Variants in CNTN3 observed in about 807,000 individuals in gnomAD.
The protein encoded by CNTN3 is contactin 3.
In CNTN3, 60 loss-of-function variants were observed where a neutral mutation model predicts 119.1. The observed-to-expected ratio is 0.50, with a 90% confidence interval of 0.41 to 0.62. The LOEUF (loss-of-function observed/expected upper bound fraction) is 0.62. Among genes scored for constraint, CNTN3 ranks in the 20% least tolerant of loss-of-function variants. The pLI is 0.00. For synonymous variants in CNTN3, 450 were observed against 438.7 expected (o/e 1.03, Z -0.32); for missense variants, 1,101 against 1,242.4 (o/e 0.89, Z 1.71).
chr3:74,307,615 A>T (rs1216034744), intron 13 of CNTN3, among the ~76,000 whole-genome samples: 2 of 152,312 alleles, frequency 1.3e-5, no homozygotes, highest in South Asian at 4.1e-4. Flanking sequence ...GAAAGAAAAC[A>T]CTACCTGATT....
At chr3:74,325,890 C>T (rs559172765) in intron 13 of CNTN3, among the ~76,000 whole-genome samples, 3 of 152,112 alleles carry the variant, frequency 2.0e-5, no homozygotes, top group East Asian at 3.9e-4. Flanking sequence ...GAGCTAATAC[C>T]CCCAGAATAT....
intron 19 of CNTN3, among the ~76,000 whole-genome samples, chr3:74,293,754 C>A (rs147244053): frequency 1.3e-5 from 2 of 152,318 alleles, no homozygotes; most frequent in South Asian, 2.1e-4. Flanking sequence ...GGATTACAGG[C>A]GCAAGCCACC....
At chr3:74,269,927 G>C (rs1271640862) in intron 20 of CNTN3, among the ~76,000 whole-genome samples, 1 of 152,148 alleles carries the variant, frequency 6.6e-6, no homozygotes, top group Non-Finnish European at 1.5e-5. Flanking sequence ...AAGGGTTCTA[G>C]AGATCTATTG....
chr3:74,264,525 A>C, intron 22 of CNTN3, 24 bp from the exon 23 acceptor site: 9 of 1,441,240 alleles, frequency 6.2e-6, no homozygotes, highest in East Asian at 2.3e-5. Flanking sequence ...TGAAGAGCTC[A>C]TTAATAAGGA....
chr3:74,349,016 T>C (rs566111074), intron 11 of CNTN3, among the ~76,000 whole-genome samples: 1 of 151,960 alleles, frequency 6.6e-6, no homozygotes, highest in South Asian at 2.1e-4. Flanking sequence ...AGCCTAGGAA[T>C]TGGAGACTGC....
intron 7 of CNTN3, 32 bp from the exon 8 acceptor site, chr3:74,369,405 T>G (rs1333394742): frequency 1.3e-6 from 2 of 1,517,998 alleles, no homozygotes; most frequent in South Asian, 2.6e-5. Context: ...TGTCTGCTAT[T>G]GTCTGGAAGC....
chr3:74,346,461 G>A (rs1021244560), intron 11 of CNTN3, among the ~76,000 whole-genome samples: 24 of 151,822 alleles, frequency 1.6e-4, no homozygotes, highest in Admixed American at 1.2e-3. Flanking sequence ...AATGCTACTC[G>A]AGCAATGAAA....
rs377582166 is a variant in CNTN3 at position 74,541,945 on chromosome 3, T to C, written c.-80-20753A>G. On this transcript the variant is annotated intron_variant, in intron 1 of 22. Transcript: ENST00000263665. ...TTCAGAAAAACTGTGTTTAAACATG[T>C]AGTATGGACTGGGTGCAGTGGCTCA... 2.0e-5 allele frequency among the ~76,000 whole-genome samples: 3 copies of C among 152,266 alleles called. No homozygotes were observed. The South Asian group carries it at 6.2e-4, about 32-fold the overall frequency.
At chr3:74,381,669 G>C (rs973319173) in intron 5 of CNTN3, among the ~76,000 whole-genome samples, 3 of 151,890 alleles carry the variant, frequency 2.0e-5, no homozygotes, top group African/African-American at 7.3e-5. Context: ...TCCAATCCTT[G>C]TCTATCTTGG....
intron 21 of CNTN3, 28 bp downstream of exon 21, chr3:74,267,238 A>G: frequency 6.8e-7 from 1 of 1,473,490 alleles, no homozygotes; most frequent in Non-Finnish European, 9.5e-7. Flanking sequence ...AATTACGAAA[A>G]TGAAGCATTG....
At chr3:74,283,451 T>C (rs750127181) in intron 20 of CNTN3, among the ~76,000 whole-genome samples, 6 of 152,182 alleles carry the variant, frequency 3.9e-5, no homozygotes, top group Non-Finnish European at 7.4e-5. Context: ...ATCCCTAAAT[T>C]GTAAAGGGAT....
At chr3:74,331,098 G>A (rs1703253866) in intron 13 of CNTN3, among the ~76,000 whole-genome samples, 1 of 152,164 alleles carries the variant, frequency 6.6e-6, no homozygotes, top group Admixed American at 6.5e-5. Flanking sequence ...AATGTTTTCA[G>A]TAGTGTACAG....
chr3:74,485,544 T>A (rs1702837764), intron 4 of CNTN3, among the ~76,000 whole-genome samples: 1 of 152,014 alleles, frequency 6.6e-6, no homozygotes, highest in Non-Finnish European at 1.5e-5. Context: ...AGGCTAGACA[T>A]TAAATGACCC....
chr3:74,480,144 A>T (rs1049618296), intron 4 of CNTN3, among the ~76,000 whole-genome samples: 4 of 152,046 alleles, frequency 2.6e-5, no homozygotes, highest in Non-Finnish European at 4.4e-5. Context: ...GCTTATTCAA[A>T]TATGAATCAA....
chr3:74,353,419 T>A (rs1449738330), intron 11 of CNTN3, among the ~76,000 whole-genome samples: 1 of 152,180 alleles, frequency 6.6e-6, no homozygotes, highest in Non-Finnish European at 1.5e-5. Context: ...ATGGAACTAC[T>A]TGATCAGGGT....
rs1375068330 is a variant in CNTN3 at position 74,429,717 on chromosome 3, G to A, written c.359-4777C>T. Among the ~76,000 whole-genome samples, 73 of 151,984 alleles carry A rather than the reference G, an allele frequency of 4.8e-4. 1 individual carries two copies. Among genetic ancestry groups the A allele is most frequent in the Non-Finnish European group, 2.6e-4 (18 of 67,984 alleles). ...GTAAAGAAAAGCTACAGACTGGGAG[G>A]ATATACTTGAAAACCACTTATCCAC... On this transcript the variant is annotated intron_variant, in intron 4 of 22. Transcript: ENST00000263665.
At chr3:74,269,739 C>A (rs1037095605) in intron 20 of CNTN3, among the ~76,000 whole-genome samples, 3 of 152,058 alleles carry the variant, frequency 2.0e-5, no homozygotes, top group African/African-American at 7.2e-5. Context: ...GGACATTATG[C>A]TAAGTGAAAT....
chr3:74,361,976 C>T lies in CNTN3; in HGVS notation c.1278G>A (p.Leu426=), dbSNP rs1182608804. Residue 426 remains leucine (L), a synonymous_variant, in exon 11 of 23, where the codon CTG becomes CTA. Transcript: ENST00000263665. ...KKLVQVQVGS[L]VSLDCKPRAS... ...CTCTGGGTTTACAATCCAAGCTGAC[C>T]AGGCTGCCCACCTGCACCTGAACCA... 2 of 1,613,808 alleles carry T rather than the reference C, an allele frequency of 1.2e-6. No homozygotes were observed. Among genetic ancestry groups the T allele is most frequent in the South Asian group, 1.1e-5 (1 of 91,064 alleles).
chr3:74,413,081 T>C (rs1701464578), intron 5 of CNTN3, among the ~76,000 whole-genome samples: 1 of 152,204 alleles, frequency 6.6e-6, no homozygotes, highest in Non-Finnish European at 1.5e-5. Context: ...CATTAACAGT[T>C]ACTTTGGAAA....
Sources: allele counts gnomAD v4.1 joint callset (sites outside exome capture counted in the v4.1 genomes callset), GRCh38; gene constraint gnomAD v4.1.1; transcripts MANE v1.5; gene names NCBI Gene and HGNC (gene_info 2026-07-23, HGNC 2026-07-21).